The following OAT variants were observed in gnomAD, a reference collection of about 807,000 sequenced individuals.
The protein encoded by OAT is ornithine aminotransferase, mitochondrial.
OAT carries 35 observed loss-of-function variants against 48.4 expected under a neutral mutation model. The observed-to-expected ratio is 0.72, with a 90% CI of 0.55 to 0.96. The LOEUF is 0.96. OAT is among the 40% of genes least tolerant of loss of function. OAT has a pLI of 0.00. For missense variants in OAT, 438 were observed against 537.9 expected (o/e 0.81, Z 1.84); for synonymous variants, 182 against 198.4 (o/e 0.92, Z 0.70).
Position 124,405,893 on chromosome 10 carries a change from G to C in OAT, c.521-330C>G, listed in dbSNP as rs1414919185. On this transcript the variant is annotated intron_variant, in intron 4 of 9. Coordinates refer to ENST00000368845, the MANE Select transcript of OAT (RefSeq NM_000274.4). ...CCCAAAACCAAGCCCTAACAATTGA[G>C]GTCTTGAATGCATGTTTTCTAGAGA... 4 of 1,181,722 alleles carry C rather than the reference G, an allele frequency of 3.4e-6. No homozygotes were observed. In the Admixed American group the frequency reaches 1.6e-4, roughly 48 times the overall value. The allele number at this position is 1,181,722 out of a possible 1,614,324, so 73.2% of individuals were successfully genotyped here. A position where few individuals can be genotyped will look rare whatever the true frequency, so the allele number is the denominator to read the frequency against.
At chr10:124,412,338 C>T (rs1951784015) in intron 1 of OAT, 138 bp from the exon 2 acceptor site, 5 of 671,790 alleles carry the variant, frequency 7.4e-6, no homozygotes, top group Middle Eastern at 4.1e-4. Context: ...GAGCAAGACT[C>T]CATCACTAAA....
chr10:124,402,779 T>C (rs1364255881), intron 7 of OAT, 148 bp downstream of exon 7: 61 of 1,021,834 alleles, frequency 6.0e-5, no homozygotes, highest in Non-Finnish European at 8.6e-5. Flanking sequence ...TAAATGTTTT[T>C]ATTACAGATA....
In OAT at chr10:124,405,520, G is replaced by A; in HGVS notation, c.564C>T (p.Ser188=). The A allele has an allele frequency of 6.2e-7, 1 of 1,614,084 alleles. No homozygotes were observed. The highest frequency in any genetic ancestry group is 8.5e-7 in the Non-Finnish European group (1 of 1,180,004). ...WGRTLSAISS[S]TDPTSYDGFG... ...AACCATCGTAACTGGTTGGGTCTGT[G>A]GAACTGGAGATAGCAGACAACGTCC... The change falls in exon 5 of 10, where the codon TCC becomes TCT. Residue 188 remains serine (S), a synonymous_variant. Transcript: ENST00000368845.
chr10:124,412,001 A>C lies in OAT; in HGVS notation c.171T>G (p.Pro57=). ...EYKYGAHNYH[P]LPVALERGKG... is the part of the protein sequence containing the mutation. The stretch of plus-strand genomic sequence containing the variant: ...TTCCTCTCTCCAGGGCTACAGGTAA[A>C]GGATGGTAGTTGTGTGCACCATACT... Residue 57 remains proline, a synonymous_variant, in exon 2 of 10, where the codon CCT becomes CCG. Transcript: ENST00000368845. 6.2e-7 allele frequency: 1 copy of C among 1,614,212 alleles called. No individual in the cohort carries two copies. Among genetic ancestry groups the C allele is most frequent in the Non-Finnish European group, 8.5e-7 (1 of 1,180,016 alleles).
intron 4 of OAT, among the ~76,000 whole-genome samples, chr10:124,407,844 T>C (rs928472305): frequency 6.6e-6 from 1 of 152,146 alleles, no homozygotes; most frequent in Non-Finnish European, 1.5e-5. Context: ...AAAATTCAAG[T>C]TATTCCTTTC....
rs1312077418 is a variant in OAT, at chr10:124,400,988, C to T, written c.1015-4G>A. 18 of 1,605,414 alleles carry T rather than the reference C, an allele frequency of 1.1e-5. No homozygotes were observed. The highest frequency in any genetic ancestry group is 1.7e-4 in the Middle Eastern group (1 of 5,758). The stretch of plus-strand genomic sequence containing the variant: ...CAAGGTTTTCTTCTTCTAAAACCTA[C>T]GTTTAAAGAAAAATTATACAAATAT... On this transcript the variant is annotated splice_region_variant and splice_polypyrimidine_tract_variant and intron_variant, in intron 8 of 9. Transcript: ENST00000368845.
In OAT at chr10:124,398,008, C is replaced by T. The variant is rs571403495; in HGVS notation, c.1254G>A (p.Leu418=). 3 of 1,613,984 alleles carry T rather than the reference C, an allele frequency of 1.9e-6. No homozygotes were observed. The East Asian group carries it at 6.7e-5, about 36-fold the overall frequency. Residue 418 remains leucine (L), a synonymous_variant, in exon 10 of 10, where the codon CTG becomes CTA. Coordinates refer to ENST00000368845, the MANE Select transcript of OAT (RefSeq NM_000274.4). The part of the protein sequence containing the change: ...HGDIIRFAPP[L]VIKEDELRES... ...CTCGAAGCTCATCCTCCTTGATCAC[C>T]AGCGGAGGCGCAAACCTGATAATGT...
intron 2 of OAT, among the ~76,000 whole-genome samples, 160 bp from the exon 3 acceptor site, chr10:124,409,125 T>G (rs1951683226): frequency 6.6e-6 from 1 of 152,232 alleles, no homozygotes; most frequent in Non-Finnish European, 1.5e-5. Context: ...ATAATAAACT[T>G]TGGTTTGTAA....
chr10:124,410,597 G>A (rs1951718014), intron 2 of OAT, among the ~76,000 whole-genome samples: 1 of 152,162 alleles, frequency 6.6e-6, no homozygotes, highest in Admixed American at 6.5e-5. Flanking sequence ...CTTGAGACCA[G>A]GAGTTCAAGA....
intron 6 of OAT, among the ~76,000 whole-genome samples, chr10:124,403,546 C>T (rs1395501021): frequency 1.3e-5 from 2 of 152,194 alleles, no homozygotes; most frequent in Admixed American, 1.3e-4. Flanking sequence ...GCTGTTAAGA[C>T]CAGGTCTGCA....
chr10:124,418,627 C>A (rs1045806919), intron 1 of OAT, among the ~76,000 whole-genome samples: 1 of 152,258 alleles, frequency 6.6e-6, no homozygotes, highest in African/African-American at 2.4e-5. Flanking sequence ...GGTCGCCACG[C>A]CCCTGCCCCC....
chr10:124,398,640 T>C (rs1009679967), intron 9 of OAT, among the ~76,000 whole-genome samples: 1 of 118,252 alleles, frequency 8.5e-6, no homozygotes, highest in Non-Finnish European at 1.7e-5. Context: ...TAGTTTTTCA[T>C]AAATGAAAAA....
At chr10:124,410,014 T>C (rs1951703135) in intron 2 of OAT, among the ~76,000 whole-genome samples, 1 of 152,208 alleles carries the variant, frequency 6.6e-6, no homozygotes, top group Admixed American at 6.5e-5. Flanking sequence ...TTTTCAATAG[T>C]TCAAAAGAAG....
In OAT at chr10:124,397,913, C is replaced by T; in HGVS notation, c.*29G>A. 1 of 1,613,390 alleles carries T rather than the reference C, an allele frequency of 6.2e-7. No homozygotes were observed. Among genetic ancestry groups the T allele is most frequent in the East Asian group, 2.2e-5 (1 of 44,886 alleles). On this transcript the variant is annotated 3_prime_UTR_variant, in exon 10 of 10. Coordinates refer to ENST00000368845, the MANE Select transcript of OAT (RefSeq NM_000274.4). ...GGACCACCTGTCTCCAGCTGGCTCC[C>T]AGGGACCACTGAAAACAGCTGGCTA...
chr10:124,409,206 GT>G (rs1339395605), intron 2 of OAT, among the ~76,000 whole-genome samples: 1 of 152,122 alleles, frequency 6.6e-6, no homozygotes, highest in African/African-American at 2.4e-5. Flanking sequence ...ACACAAAAAG[GT>G]TATAAACTCT....
At chr10:124,408,311 GTGTGTGTATATATATA>G (rs1299449360) in intron 4 of OAT, among the ~76,000 whole-genome samples, 1 of 61,608 alleles carries the variant, frequency 1.6e-5, no homozygotes, top group East Asian at 5.1e-4. Context: ...GTGTGTGTGT[GTGTGTGTATATATATA>G]TATATATATA....
rs772705072 is a variant in OAT, at chr10:124,402,913, A to G, written c.900+14T>C. On this transcript the variant is annotated intron_variant, in intron 7 of 9. Coordinates refer to ENST00000368845, the MANE Select transcript of OAT (RefSeq NM_000274.4). ...AAGAGTAGGAAATGGAAAGAGGGGG[A>G]ACATGAAACTTACAGGGTATAAGCC... 1.2e-6 allele frequency: 2 copies of G among 1,613,150 alleles called. No individual in the cohort carries two copies. The highest frequency in any genetic ancestry group is 1.7e-6 in the Non-Finnish European group (2 of 1,179,792).
chr10:124,405,285 T>C (rs1951539299), intron 5 of OAT, 151 bp downstream of exon 5: 3 of 1,130,690 alleles, frequency 2.7e-6, no homozygotes, highest in East Asian at 2.8e-5. Flanking sequence ...TGGAAACTAA[T>C]TGATCGCTAC....
chr10:124,398,275 C>T (rs1036487675), intron 9 of OAT, among the ~76,000 whole-genome samples, 173 bp from the exon 10 acceptor site: 1 of 151,996 alleles, frequency 6.6e-6, no homozygotes, highest in African/African-American at 2.4e-5. Flanking sequence ...CTTTGGGAGG[C>T]CGAGGTGGGT....
Sources: gnomAD v4.1 joint callset for allele counts (sites outside exome capture counted in the v4.1 genomes callset) on GRCh38, gnomAD v4.1.1 for gene constraint, MANE v1.5 for transcripts, NCBI Gene and HGNC (gene_info 2026-07-23, HGNC 2026-07-21) for gene names.